The following MCM10 variants were observed in gnomAD, a reference collection of about 807,000 sequenced individuals.
MCM10 encodes the protein minichromosome maintenance 10 replication initiation factor.
A neutral mutation model predicts 109.9 loss-of-function variants in MCM10; 91 were observed. That is an observed-to-expected ratio of 0.83 (90% CI 0.70 to 0.99). The LOEUF is 0.99. MCM10 is among the 50% of genes least tolerant of loss of function. The pLI, the probability that MCM10 is intolerant of heterozygous loss-of-function variation, is 0.00. For missense variants in MCM10, 1,077 were observed against 1,061.2 expected, an observed-to-expected ratio of 1.01 and a Z score of -0.21; for synonymous variants, 380 against 387.2, an observed-to-expected ratio of 0.98 and a Z score of 0.22.
chr10:13,192,968 C>A (rs970709205), intron 13 of MCM10, among the ~76,000 whole-genome samples: 5 of 152,066 alleles, frequency 3.3e-5, no homozygotes, highest in African/African-American at 7.2e-5. Flanking sequence ...TCACTGCAAC[C>A]TCCATGTCCC....
At chr10:13,197,422 A>T (rs1834435844) in intron 14 of MCM10, among the ~76,000 whole-genome samples, 1 of 152,198 alleles carries the variant, frequency 6.6e-6, no homozygotes, top group Admixed American at 6.5e-5. Flanking sequence ...GATTTTATTC[A>T]TCAACATATA....
At chr10:13,205,800 G>T (rs1371202022) in intron 18 of MCM10, among the ~76,000 whole-genome samples, 1 of 152,210 alleles carries the variant, frequency 6.6e-6, no homozygotes, top group South Asian at 2.1e-4. Flanking sequence ...ACCCACAGGT[G>T]TGGTAGGCTG....
At chr10:13,185,361 G>T (rs1834261024) in intron 8 of MCM10, among the ~76,000 whole-genome samples, 1 of 152,238 alleles carries the variant, frequency 6.6e-6, no homozygotes, top group African/African-American at 2.4e-5. Flanking sequence ...TGTCCAAGAA[G>T]AGAATTGCAA....
At chr10:13,189,247 A>T (rs1834316669) in intron 10 of MCM10, among the ~76,000 whole-genome samples, 167 bp downstream of exon 10, 1 of 152,162 alleles carries the variant, frequency 6.6e-6, no homozygotes, top group Non-Finnish European at 1.5e-5. Context: ...TCCCAGGTAG[A>T]GAGAAAAACT....
intron 13 of MCM10, among the ~76,000 whole-genome samples, chr10:13,194,036 TA>T (rs1834383438): frequency 6.6e-6 from 1 of 152,014 alleles, no homozygotes; most frequent in South Asian, 2.1e-4. Flanking sequence ...AAGTTTGGAC[TA>T]GATGATTTCT....
At chr10:13,168,269 C>G (rs1448111688) in intron 2 of MCM10, among the ~76,000 whole-genome samples, 1 of 152,188 alleles carries the variant, frequency 6.6e-6, no homozygotes, top group Non-Finnish European at 1.5e-5. Context: ...GCCTTGGAGT[C>G]TTTGTGGACT....
intron 9 of MCM10, 56 bp from the exon 10 acceptor site, chr10:13,188,825 C>A: frequency 1.4e-6 from 2 of 1,459,704 alleles, no homozygotes; most frequent in Non-Finnish European, 1.9e-6. Flanking sequence ...TGTCTGCTCA[C>A]TGCTGTTTCC....
chr10:13,203,425 A>G (rs1283190388), intron 17 of MCM10, among the ~76,000 whole-genome samples: 2 of 152,024 alleles, frequency 1.3e-5, no homozygotes, highest in African/African-American at 4.8e-5. Context: ...CAATCTCCCT[A>G]TCCATTAGCA....
chr10:13,188,098 T>A (rs1834298088), intron 9 of MCM10, among the ~76,000 whole-genome samples: 1 of 152,024 alleles, frequency 6.6e-6, no homozygotes. Flanking sequence ...TGGGCCAGGA[T>A]CACGCCACTG....
intron 17 of MCM10, among the ~76,000 whole-genome samples, chr10:13,203,003 C>T (rs1834520711): frequency 6.6e-6 from 1 of 152,026 alleles, no homozygotes; most frequent in South Asian, 2.1e-4. Context: ...CACCACACTG[C>T]CTGGCAAATT....
At chr10:13,201,787 T>A (rs1834503763) in intron 17 of MCM10, 2 of 447,874 alleles carry the variant, frequency 4.5e-6, no homozygotes, top group South Asian at 5.4e-5. Flanking sequence ...GGATGGGTCC[T>A]AACATCTCTT....
At chr10:13,207,386 A>G (rs35332254) in intron 18 of MCM10, among the ~76,000 whole-genome samples, 27,841 of 152,066 alleles carry the variant, frequency 0.18, 2,909 homozygotes, top group Middle Eastern at 0.25. Flanking sequence ...ATCGACATAT[A>G]GGCTACCAGA....
At chr10:13,168,062 A>G (rs1402840645) in intron 2 of MCM10, among the ~76,000 whole-genome samples, 1 of 152,178 alleles carries the variant, frequency 6.6e-6, no homozygotes, top group Admixed American at 6.5e-5. Flanking sequence ...GAAGGGTTCA[A>G]AGTGAATAGT....
chr10:13,166,775 T>A (rs1353664779), intron 2 of MCM10, among the ~76,000 whole-genome samples: 1 of 150,132 alleles, frequency 6.7e-6, no homozygotes, highest in Non-Finnish European at 1.5e-5. Flanking sequence ...GGAAAGCGAA[T>A]GAATTGAGGA....
intron 2 of MCM10, among the ~76,000 whole-genome samples, chr10:13,169,046 C>G (rs1447249387): frequency 6.6e-6 from 1 of 152,182 alleles, no homozygotes; most frequent in African/African-American, 2.4e-5. Flanking sequence ...TTCAACATGG[C>G]GGCCCTTTTT....
chr10:13,166,288 C>T (rs117820739), intron 2 of MCM10, among the ~76,000 whole-genome samples: 6,164 of 152,110 alleles, frequency 0.041, 170 homozygotes, highest in Admixed American at 0.074. Context: ...AAGATACGTT[C>T]AGAGTTGGGA....
At position 13,170,076 on chromosome 10, in the gene MCM10, A is replaced by C. The variant is rs115425707; in HGVS notation, c.8-846A>C. Among the ~76,000 whole-genome samples the C allele has an allele frequency of 6.1e-3, 922 of 152,358 alleles. 8 individuals carry two copies. Among genetic ancestry groups the C allele is most frequent in the African/African-American group, 0.021 (882 of 41,588 alleles). On this transcript the variant is annotated intron_variant, in intron 2 of 19. Coordinates refer to ENST00000378714, the MANE Select transcript of MCM10 (RefSeq NM_018518.5). ...ATGAACCTGGAATGCAGAGTAATGCAGTGTGGAATATTTATGTAAATATTT... is the reference window on the plus strand; with the variant it reads ...ATGAACCTGGAATGCAGAGTAATGCCGTGTGGAATATTTATGTAAATATTT...
At position 13,201,543 on chromosome 10, in the gene MCM10, A is replaced by G. The variant is rs1834499498; in HGVS notation, c.2352+9A>G. The stretch of plus-strand genomic sequence containing the variant: ...TCGTGACATGCAAGACGGTGGGTGA[A>G]GGTGGGGGCTGCAGCAACCCATGGG... On this transcript the variant is annotated intron_variant, in intron 17 of 19. Transcript: ENST00000378714. The G allele has an allele frequency of 1.3e-6, 2 of 1,596,504 alleles. No homozygotes were observed. Among genetic ancestry groups the G allele is most frequent in the Non-Finnish European group, 1.7e-6 (2 of 1,169,644 alleles).
chr10:13,195,184 G>T lies in MCM10; in HGVS notation c.1889G>T (p.Gly630Val). ...ACAATGACGCCCAAGCTGGGGCGAGGTGTCTTGGAAGGAGATGATGTTCTC... is the reference window on the plus strand; with the variant it reads ...ACAATGACGCCCAAGCTGGGGCGAGTTGTCTTGGAAGGAGATGATGTTCTC... ...PATMTPKLGR[G>V]VLEGDDVLFY... The change falls in exon 14 of 20, where the codon GGT becomes GTT. Residue 630 changes from glycine to valine, a missense_variant. Transcript: ENST00000378714. 6.2e-7 allele frequency: 1 copy of T among 1,613,918 alleles called. No individual in the cohort carries two copies. The highest frequency in any genetic ancestry group is 8.5e-7 in the Non-Finnish European group (1 of 1,179,974).
Sources: allele counts gnomAD v4.1 joint callset (sites outside exome capture counted in the v4.1 genomes callset), GRCh38; gene constraint gnomAD v4.1.1; transcripts MANE v1.5; gene names NCBI Gene and HGNC (gene_info 2026-07-23, HGNC 2026-07-21).